Variants in MAPKBP1 observed in about 807,000 individuals in gnomAD.
MAPKBP1 encodes the protein mitogen-activated protein kinase-binding protein 1.
In MAPKBP1, 71 loss-of-function variants were observed where a neutral mutation model predicts 170.5. The ratio of observed to expected loss-of-function variants is 0.42; its 90% CI spans 0.34 to 0.51. The LOEUF is 0.51. Ranked by LOEUF, MAPKBP1 falls within the 20% of genes least tolerant of loss-of-function variation. MAPKBP1 has a pLI of 0.06. For synonymous variants in MAPKBP1, 719 were observed against 757.9 expected (o/e 0.95, Z 0.84); for missense variants, 1,598 against 1,933.0 (o/e 0.83, Z 3.25).
At chr15:41,785,562 G>C (rs1349848701) in intron 2 of MAPKBP1, among the ~76,000 whole-genome samples, 1 of 151,646 alleles carries the variant, frequency 6.6e-6, no homozygotes, top group African/African-American at 2.4e-5. Flanking sequence ...TTTTCTTTTG[G>C]GTCTAATTTA....
rs1451703412 is a variant in MAPKBP1, at chr15:41,813,639, A to G, written c.838A>G (p.Ile280Val). The G allele has an allele frequency of 1.2e-6, 2 of 1,613,848 alleles. No individual in the cohort carries two copies. Among genetic ancestry groups the G allele is most frequent in the South Asian group, 2.2e-5 (2 of 91,070 alleles). The change falls in exon 9 of 31, where the codon ATC becomes GTC. Residue 280 changes from isoleucine (I) to valine (V), a missense_variant. By Grantham distance (29) the Ile-to-Val change is conservative. Around this residue, in one of 6 missense-constraint regions of MAPKBP1, gnomAD observed 430 missense variants for 617.2 expected, o/e 0.70. Coordinates refer to ENST00000457542, the MANE Select transcript of MAPKBP1 (RefSeq NM_014994.3). ...VELRTTVAHC[I>V]SVSQDYIFCG... is the part of the protein sequence containing the mutation. Reference sequence around the variant, plus strand: ...CCCACAGACCACAGTGGCCCACTGCATCTCTGTGAGCCAAGACTACATCTT... The same window carrying G: ...CCCACAGACCACAGTGGCCCACTGCGTCTCTGTGAGCCAAGACTACATCTT...
In MAPKBP1 at chr15:41,827,845, T is replaced by G; in HGVS notation, c.*2409T>G. On this transcript the variant is annotated 3_prime_UTR_variant, in exon 31 of 31. Coordinates refer to ENST00000457542, the MANE Select transcript of MAPKBP1 (RefSeq NM_014994.3). ...TGTATGAACTTGTCAATAAACACAATTGTTTGTTAACCCTGGGATGCCGGC... is the reference window on the plus strand; with the variant it reads ...TGTATGAACTTGTCAATAAACACAAGTGTTTGTTAACCCTGGGATGCCGGC... The G allele has an allele frequency of 9.8e-6, 4 of 407,052 alleles. No individual in the cohort carries two copies. Among genetic ancestry groups the G allele is most frequent in the African/African-American group, 2.1e-5 (1 of 47,716 alleles). 25.2% of individuals were successfully genotyped at this position (407,052 alleles called of 1,614,324 possible). A position where few individuals can be genotyped will look rare whatever the true frequency, so the allele number is the denominator to read the frequency against.
chr15:41,814,697 G>A lies in MAPKBP1; in HGVS notation c.1128G>A (p.Val376=). The change falls in exon 10 of 31, where the codon GTG becomes GTA. Residue 376 remains valine (V), a synonymous_variant. Transcript: ENST00000457542. ...DVRDPKKVGK[V]YSALYHSSCV... is the part of the protein sequence containing the mutation. ...GGGACCCCAAGAAAGTGGGCAAGGT[G>A]TACTCGGCTCTGTATCATTCTTCCT... The A allele has an allele frequency of 1.2e-6, 2 of 1,614,250 alleles. No homozygotes were observed. Among genetic ancestry groups the A allele is most frequent in the East Asian group, 2.2e-5 (1 of 44,888 alleles).
chr15:41,819,489 C>A lies in MAPKBP1; in HGVS notation c.2426-106C>A, dbSNP rs769010477. ...GCAGTGTGAGCTGAGGAAACTGAGG[C>A]ATCACTGTGGCCACACAGGGTATGG... On this transcript the variant is annotated intron_variant, in intron 21 of 30. Transcript: ENST00000457542. The A allele has an allele frequency of 1.1e-5, 18 of 1,569,640 alleles. No homozygotes were observed. The Middle Eastern group carries it at 5.1e-4, about 45-fold the overall frequency.
chr15:41,803,226 C>A (rs1293607339), intron 3 of MAPKBP1, among the ~76,000 whole-genome samples: 2 of 151,602 alleles, frequency 1.3e-5, no homozygotes, highest in Non-Finnish European at 2.9e-5. Flanking sequence ...ACCAGCCTGG[C>A]CAACATGGTG....
chr15:41,786,933 C>T (rs1395627146), intron 2 of MAPKBP1, among the ~76,000 whole-genome samples: 4 of 150,816 alleles, frequency 2.7e-5, no homozygotes, highest in African/African-American at 9.8e-5. Flanking sequence ...GAGTCTTGCT[C>T]TGTCGCCCAG....
chr15:41,813,282 C>A (rs1051048374), intron 8 of MAPKBP1, 181 bp downstream of exon 8: 2 of 1,525,136 alleles, frequency 1.3e-6, no homozygotes, highest in East Asian at 2.3e-5. Context: ...ATAACTGCCT[C>A]CTCTCTGCTC....
In MAPKBP1 at chr15:41,821,988, C is replaced by G; in HGVS notation, c.2909C>G (p.Ala970Gly). 1.2e-6 allele frequency: 2 copies of G among 1,610,636 alleles called. No homozygotes were observed. The highest frequency in any genetic ancestry group is 2.7e-5 in the African/African-American group (2 of 74,976). The change falls in exon 25 of 31, where the codon GCC becomes GGC. Residue 970 changes from alanine (A) to glycine (G), a missense_variant. Coordinates refer to ENST00000457542, the MANE Select transcript of MAPKBP1 (RefSeq NM_014994.3). ...DTSEFQVQAP[A>G]RGTLGRVYPG... ...AGTGAGTTCCAAGTGCAGGCTCCAG[C>G]CCGGGGAACTCTGGGAAGAGTGTAC...
At chr15:41,787,542 A>G (rs1429556999) in intron 2 of MAPKBP1, among the ~76,000 whole-genome samples, 2 of 151,890 alleles carry the variant, frequency 1.3e-5, no homozygotes, top group Non-Finnish European at 2.9e-5. Context: ...TAATTTTTGT[A>G]TTTTTAGTAG....
intron 3 of MAPKBP1, among the ~76,000 whole-genome samples, chr15:41,800,298 G>A (rs1163284863): frequency 6.6e-6 from 1 of 151,922 alleles, no homozygotes; most frequent in Non-Finnish European, 1.5e-5. Context: ...TATTCACAGA[G>A]TTGTGCACCC....
At chr15:41,824,712 G>A (rs930106946) in intron 30 of MAPKBP1, 143 bp downstream of exon 30, 5 of 815,852 alleles carry the variant, frequency 6.1e-6, no homozygotes, top group Admixed American at 2.6e-5. Flanking sequence ...GCATAGGTGA[G>A]GGGGTTAGAG....
intron 21 of MAPKBP1, 40 bp from the exon 22 acceptor site, chr15:41,819,555 G>GGGGGGT (rs1555454090): frequency 1.3e-6 from 2 of 1,481,934 alleles, no homozygotes; most frequent in Non-Finnish European, 1.9e-6. Context: ...GGCGGGGGGG[G>GGGGGGT]GGCAGGAGAC....
chr15:41,786,803 TAG>T (rs1263393694), intron 2 of MAPKBP1, among the ~76,000 whole-genome samples: 1 of 127,220 alleles, frequency 7.9e-6, no homozygotes, highest in African/African-American at 3.2e-5. Context: ...TATATATATA[TAG>T]GTATAATAAG....
Position 41,825,382 on chromosome 15 carries a change from A to T in MAPKBP1, c.4473A>T (p.Gln1491His), listed in dbSNP as rs1052866901. Residue 1491 changes from glutamine (Q) to histidine (H), a missense_variant, in exon 31 of 31, where the codon CAA (glutamine) becomes CAT (histidine). By Grantham distance (24) the Gln-to-His change is conservative. Transcript: ENST00000457542. ...GAEQTQALLE[Q>H]YSELLLRAVE... ...AGCAGACACAGGCCCTGCTGGAGCA[A>T]TACTCAGAACTGTTGCTTCGAGCCG... The T allele has an allele frequency of 1.9e-6, 3 of 1,613,426 alleles. No individual in the cohort carries two copies. The highest frequency in any genetic ancestry group is 2.5e-6 in the Non-Finnish European group (3 of 1,179,982).
intron 7 of MAPKBP1, 43 bp from the exon 8 acceptor site, chr15:41,812,876 G>A: frequency 7.7e-6 from 12 of 1,555,642 alleles, no homozygotes; most frequent in Non-Finnish European, 1.0e-5. Context: ...CCAGGGGCAG[G>A]CTCTGGGGTG....
Position 41,818,045 on chromosome 15 carries a change from G to A in MAPKBP1, c.1941G>A (p.Leu647=), listed in dbSNP as rs1354446014. Reference sequence around the variant, plus strand: ...TCAGCAGTGGAAAGCAGAAGAAGCTGTTTAAAGGGTCACAGGGTGAGGACG... The same window carrying A: ...TCAGCAGTGGAAAGCAGAAGAAGCTATTTAAAGGGTCACAGGGTGAGGACG... ...FNISSGKQKK[L]FKGSQGEDGT... Residue 647 remains leucine, a synonymous_variant, in exon 17 of 31, where the codon CTG becomes CTA. Coordinates refer to ENST00000457542, the MANE Select transcript of MAPKBP1 (RefSeq NM_014994.3). The surrounding 1 kb of genome is among the most constrained non-coding windows in gnomAD (Gnocchi z 5.2). 1 of 1,614,198 alleles carries A rather than the reference G, an allele frequency of 6.2e-7. No homozygotes were observed. The highest frequency in any genetic ancestry group is 8.5e-7 in the Non-Finnish European group (1 of 1,180,014).
rs202085658 is a variant in MAPKBP1 at position 41,821,690 on chromosome 15, C to T, written c.2825C>T (p.Ala942Val). ...EGVFAQDLEP[A>V]PIEDGIVYPE... ...GTCTTTGCCCAAGATCTGGAACCTG[C>T]ACCCATTGAAGATGGTATTGTCTAC... Residue 942 changes from alanine to valine, a missense_variant, in exon 24 of 31, where the codon GCA (alanine) becomes GTA (valine). Transcript: ENST00000457542. The T allele has an allele frequency of 4.3e-6, 7 of 1,614,188 alleles. No individual in the cohort carries two copies. The highest frequency in any genetic ancestry group is 2.2e-5 in the East Asian group (1 of 44,884).
At chr15:41,785,763 G>A (rs8035855) in intron 2 of MAPKBP1, among the ~76,000 whole-genome samples, 89,319 of 151,970 alleles carry the variant, frequency 0.59, 27,284 homozygotes, top group Middle Eastern at 0.72. Flanking sequence ...GAAGATATAG[G>A]TGCAATCATA....
intron 3 of MAPKBP1, among the ~76,000 whole-genome samples, chr15:41,802,164 A>C (rs936079412): frequency 2.6e-5 from 4 of 152,204 alleles, no homozygotes; most frequent in African/African-American, 9.6e-5. Context: ...ATCATATAAA[A>C]TATATTTTAA....
Sources: gnomAD v4.1 joint callset for allele counts (sites outside exome capture counted in the v4.1 genomes callset) on GRCh38, gnomAD v4.1.1 for gene constraint, gnomAD v4.1.1 regional missense constraint, Gnocchi (gnomAD v3.1) non-coding constraint, MANE v1.5 for transcripts, NCBI Gene and HGNC (gene_info 2026-07-23, HGNC 2026-07-21) for gene names.